The following MYH14 variants were observed in gnomAD, a reference collection of about 807,000 sequenced individuals.
MYH14 encodes the protein myosin heavy chain 14.
A neutral mutation model predicts 255.5 loss-of-function variants in MYH14; 123 were observed. That is an observed-to-expected ratio of 0.48 (90% CI 0.42 to 0.56). The LOEUF (loss-of-function observed/expected upper bound fraction) is 0.56. MYH14 is among the 20% of genes least tolerant of loss of function. MYH14 has a pLI of 0.00. For missense variants in MYH14, 2,423 were observed against 2,802.3 expected (o/e 0.86, Z 3.06); for synonymous variants, 1,095 against 1,161.2 (o/e 0.94, Z 1.16).
At chr19:50,268,837 C>A (rs116696626) in intron 24 of MYH14, among the ~76,000 whole-genome samples, 2,146 of 152,304 alleles carry the variant, frequency 0.014, 59 homozygotes, top group African/African-American at 0.05. Flanking sequence ...GGCATTCAGG[C>A]AATGTTCTCA....
Position 50,210,719 on chromosome 19 carries a change from G to C in MYH14, c.354G>C (p.Glu118Asp). The C allele has an allele frequency of 6.3e-7, 1 of 1,579,142 alleles. No homozygotes were observed. The highest frequency in any genetic ancestry group is 1.4e-5 in the African/African-American group (1 of 73,890). ...TGGCCGAGCTGACCTGCCTCAACGA[G>C]GCCTCGGTCCTGCACAACCTCCGGG... ...EDMAELTCLN[E>D]ASVLHNLRER... Residue 118 changes from glutamate to aspartate, a missense_variant, in exon 2 of 43, where the codon GAG (glutamate) becomes GAC (aspartate). This residue lies in a region of MYH14 where 238 missense variants were observed against 245.8 expected (regional missense o/e 0.97). Transcript: ENST00000642316.
At chr19:50,271,346 C>T in intron 24 of MYH14, 63 bp from the exon 25 acceptor site, 1 of 1,539,942 alleles carries the variant, frequency 6.5e-7, no homozygotes, top group Non-Finnish European at 8.8e-7. Flanking sequence ...CCGCTCCCAT[C>T]CTTCCCCATC....
chr19:50,254,537 G>A (rs1215695853), intron 16 of MYH14, among the ~76,000 whole-genome samples: 2 of 152,180 alleles, frequency 1.3e-5, no homozygotes, highest in African/African-American at 4.8e-5. Context: ...CTCTGTGTGT[G>A]CCTGACTCTC....
intron 10 of MYH14, among the ~76,000 whole-genome samples, chr19:50,238,597 G>A (rs934088059): frequency 1.3e-5 from 2 of 151,870 alleles, no homozygotes; most frequent in Admixed American, 6.6e-5. Flanking sequence ...GATTATAGGC[G>A]CTCGCCACCA....
chr19:50,263,075 C>T (rs1339374448), intron 21 of MYH14, among the ~76,000 whole-genome samples: 1 of 152,090 alleles, frequency 6.6e-6, no homozygotes, highest in African/African-American at 2.4e-5. Flanking sequence ...TGGCACGCAC[C>T]TGTAATCCTA....
Position 50,252,870 on chromosome 19 carries a change from AC to A in MYH14, c.1945+120del, listed in dbSNP as rs2034455881. 4.6e-6 allele frequency: 3 copies of A among 649,462 alleles called. No individual in the cohort carries two copies. The highest frequency in any genetic ancestry group is 8.0e-6 in the Non-Finnish European group (3 of 374,360). The allele number at this position is 649,462 out of a possible 1,614,324, so 40.2% of individuals were successfully genotyped here. On this transcript the variant is annotated intron_variant, in intron 16 of 42. Transcript: ENST00000642316. The surrounding 1 kb of genome is among the most constrained non-coding windows in gnomAD (Gnocchi z 4.2). ...GTCTGAACCTGAGTTTTCTGCTCAG[AC>A]CCAGAATAGCCAGTGTCACAAATAG... is the stretch of plus-strand genomic sequence containing the variant.
At chr19:50,203,768 CG>C in intron 1 of MYH14, 97 bp downstream of exon 1, 1 of 149,244 alleles carries the variant, frequency 6.7e-6, no homozygotes, top group African/African-American at 2.4e-5. Flanking sequence ...CCCGGGAGCC[CG>C]GGCAGGCGGC....
chr19:50,271,724 A>G (rs2035308837), intron 25 of MYH14, 125 bp from the exon 26 acceptor site: 2 of 1,479,004 alleles, frequency 1.4e-6, no homozygotes, highest in Admixed American at 4.1e-5. Context: ...AGGGGGAGGA[A>G]GGTCAGAGAA....
At chr19:50,249,239 C>T in intron 13 of MYH14, 100 bp downstream of exon 13, 6 of 1,332,864 alleles carry the variant, frequency 4.5e-6, no homozygotes, top group Non-Finnish European at 6.1e-6. Flanking sequence ...TCTCTGTCCC[C>T]CTCTCTCTCT....
chr19:50,269,054 G>A (rs1009053333), intron 24 of MYH14, among the ~76,000 whole-genome samples: 1 of 151,756 alleles, frequency 6.6e-6, no homozygotes. Context: ...TTCCAAACAT[G>A]CTTAAAAGCT....
At chr19:50,254,879 T>A (rs1326192985) in intron 16 of MYH14, among the ~76,000 whole-genome samples, 1 of 152,164 alleles carries the variant, frequency 6.6e-6, no homozygotes, top group Non-Finnish European at 1.5e-5. Flanking sequence ...GAGCATCAAG[T>A]TCATTCTTGA....
At chr19:50,291,166 C>G in intron 36 of MYH14, 118 bp downstream of exon 36, 1 of 872,872 alleles carries the variant, frequency 1.1e-6, no homozygotes, top group South Asian at 1.9e-5. Context: ...GCAGCATCCG[C>G]ATGGGTCAGC....
chr19:50,253,410 T>C (rs2034474274), intron 16 of MYH14, among the ~76,000 whole-genome samples: 1 of 148,084 alleles, frequency 6.8e-6, no homozygotes, highest in Non-Finnish European at 1.5e-5. Context: ...GTCACTGCAA[T>C]CCAGCCTGGG....
intron 36 of MYH14, among the ~76,000 whole-genome samples, chr19:50,291,837 C>T (rs889438162): frequency 3.3e-5 from 5 of 152,172 alleles, no homozygotes; most frequent in African/African-American, 1.2e-4. Context: ...TGCACTCCAG[C>T]CTGGGTGACA....
intron 22 of MYH14, among the ~76,000 whole-genome samples, chr19:50,263,697 C>G (rs986731279): frequency 6.6e-6 from 1 of 152,202 alleles, no homozygotes; most frequent in African/African-American, 2.4e-5. Context: ...TGGAAGGACT[C>G]ACAGAACTTA....
chr19:50,262,760 G>A (rs890803352), intron 21 of MYH14, among the ~76,000 whole-genome samples: 4 of 152,098 alleles, frequency 2.6e-5, no homozygotes, highest in Non-Finnish European at 5.9e-5. Flanking sequence ...GGCAAGGGAG[G>A]GTGGGGCCTG....
chr19:50,297,919 C>T (rs1185443573), intron 39 of MYH14, among the ~76,000 whole-genome samples: 2 of 152,108 alleles, frequency 1.3e-5, no homozygotes, highest in Middle Eastern at 3.4e-3. Context: ...GGTCACATTC[C>T]GAGGTTCTGA....
At position 50,234,132 on chromosome 19, in the gene MYH14, C is replaced by G. The variant is rs550970319; in HGVS notation, c.1114+2062C>G. 3.9e-5 allele frequency among the ~76,000 whole-genome samples: 6 copies of G among 152,132 alleles called. No homozygotes were observed. In the East Asian group the frequency reaches 1.2e-3, roughly 29 times the overall value. ...ACCGCACCTGGCCTCCTACCCTACA[C>G]TGGTATGATTTTATCTTAACTCGTT... is the stretch of plus-strand genomic sequence containing the variant. On this transcript the variant is annotated intron_variant, in intron 10 of 42. Coordinates refer to ENST00000642316, the MANE Select transcript of MYH14 (RefSeq NM_001145809.2).
chr19:50,249,832 C>T lies in MYH14; in HGVS notation c.1656+9C>T. 6.2e-7 allele frequency: 1 copy of T among 1,613,986 alleles called. No homozygotes were observed. Among genetic ancestry groups the T allele is most frequent in the Non-Finnish European group, 8.5e-7 (1 of 1,179,940 alleles). ...ACCTCATCGAGCGGCCGGTGAGCCC[C>T]AGGCCCCTCCCAGCCCACACTCACG... On this transcript the variant is annotated intron_variant, in intron 14 of 42. Coordinates refer to ENST00000642316, the MANE Select transcript of MYH14 (RefSeq NM_001145809.2).
Sources: gnomAD v4.1 joint callset for allele counts (sites outside exome capture counted in the v4.1 genomes callset) on GRCh38, gnomAD v4.1.1 for gene constraint, gnomAD v4.1.1 regional missense constraint, Gnocchi (gnomAD v3.1) non-coding constraint, MANE v1.5 for transcripts, NCBI Gene and HGNC (gene_info 2026-07-23, HGNC 2026-07-21) for gene names.